The following CD5 variants were observed in gnomAD, a reference collection of about 807,000 sequenced individuals.
The protein encoded by CD5 is CD5 molecule, also known as T-cell surface glycoprotein CD5.
A neutral mutation model predicts 60.3 loss-of-function variants in CD5; 36 were observed. The ratio of observed to expected loss-of-function variants is 0.60; its 90% CI spans 0.46 to 0.79. The LOEUF is 0.79. Among genes scored for constraint, CD5 ranks in the 30% least tolerant of loss-of-function variants. The pLI is 0.00. For synonymous variants in CD5, 230 were observed against 257.6 expected (o/e 0.89, Z 1.03); for missense variants, 540 against 630.6 (o/e 0.86, Z 1.54).
intron 1 of CD5, among the ~76,000 whole-genome samples, chr11:61,103,834 T>A (rs1307646569): frequency 6.3e-5 from 6 of 95,534 alleles, no homozygotes; most frequent in African/African-American, 1.3e-4. Flanking sequence ...TGTGTGTGAG[T>A]ACTGTGTGGG....
At chr11:61,116,810 ACC>A in intron 2 of CD5, among the ~76,000 whole-genome samples, 1 of 138,256 alleles carries the variant, frequency 7.2e-6, no homozygotes, top group South Asian at 2.4e-4. Context: ...CACTACACAC[ACC>A]ACACACACAT....
At chr11:61,099,430 TCA>T (rs1340903168), upstream of CD5, among the ~76,000 whole-genome samples, 14 of 77,120 alleles carry the variant, frequency 1.8e-4, no homozygotes, top group East Asian at 2.6e-3. Flanking sequence ...AACATGGAGA[TCA>T]CACACACACA....
At position 61,119,317 on chromosome 11, in the gene CD5, G is replaced by A; in HGVS notation, c.547G>A (p.Gly183Ser). The change falls in exon 5 of 11, where the codon GGT becomes AGT. Residue 183 changes from glycine to serine, a missense_variant. Physicochemically the swap from Gly to Ser is moderately conservative, Grantham distance 56. Transcript: ENST00000347785. ...VVEFYSGSLG[G>S]TISYEAQDKT... ...GGAGTTCTACAGCGGCAGCCTGGGG[G>A]GTACCATCAGCTATGAGGCCCAGGA... 2 of 1,614,026 alleles carry A rather than the reference G, an allele frequency of 1.2e-6. No homozygotes were observed. Among genetic ancestry groups the A allele is most frequent in the South Asian group, 1.1e-5 (1 of 91,080 alleles).
At chr11:61,115,556 T>C (rs893667034) in intron 2 of CD5, among the ~76,000 whole-genome samples, 1 of 152,186 alleles carries the variant, frequency 6.6e-6, no homozygotes, top group Non-Finnish European at 1.5e-5. Context: ...CAAATAGGGT[T>C]CCATGGAGCA....
chr11:61,109,928 C>G (rs1860829119), intron 1 of CD5, among the ~76,000 whole-genome samples: 1 of 152,082 alleles, frequency 6.6e-6, no homozygotes, highest in Non-Finnish European at 1.5e-5. Flanking sequence ...CGGCATAGCA[C>G]TTCCAGGCCT....
chr11:61,104,515 A>T (rs2134592256), intron 1 of CD5, among the ~76,000 whole-genome samples: 1 of 152,234 alleles, frequency 6.6e-6, no homozygotes, highest in Non-Finnish European at 1.5e-5. Context: ...GAATCCCATC[A>T]TGGGTGAGGC....
intron 2 of CD5, among the ~76,000 whole-genome samples, chr11:61,116,052 C>T (rs1030623768): frequency 2.0e-5 from 3 of 152,152 alleles, no homozygotes; most frequent in African/African-American, 7.2e-5. Flanking sequence ...GTGCCCTTGG[C>T]GAGCCCTGGC....
In CD5 at chr11:61,119,278, TGTGCCGGCGTG is replaced by T; in HGVS notation, c.512_522del (p.Ala171GlyfsTer14). On this transcript the variant is annotated frameshift_variant, in exon 5 of 11. Transcript: ENST00000347785. LOFTEE classifies it high-confidence loss of function. ...GGTGGCACAGTCTGGCGGCCAGCAC[TGTGCCGGCGTG>T]GTGGAGTTCTACAGCGGCAGCCTGG... 2 of 1,613,244 alleles carry T rather than the reference TGTGCCGGCGTG, an allele frequency of 1.2e-6. No homozygotes were observed. Among genetic ancestry groups the T allele is most frequent in the Non-Finnish European group, 1.7e-6 (2 of 1,179,820 alleles).
chr11:61,117,330 G>A (rs1860980412), intron 2 of CD5, among the ~76,000 whole-genome samples: 1 of 152,168 alleles, frequency 6.6e-6, no homozygotes, highest in Non-Finnish European at 1.5e-5. Flanking sequence ...GCTAGATTCA[G>A]GGAAATTAAC....
intron 1 of CD5, among the ~76,000 whole-genome samples, chr11:61,112,985 G>A (rs1473641442): frequency 6.6e-6 from 1 of 152,172 alleles, no homozygotes; most frequent in Non-Finnish European, 1.5e-5. Flanking sequence ...TGTTGTCCAG[G>A]CTGGACTCGA....
At chr11:61,108,612 C>T (rs974641451) in intron 1 of CD5, among the ~76,000 whole-genome samples, 7 of 152,188 alleles carry the variant, frequency 4.6e-5, no homozygotes, top group African/African-American at 1.7e-4. Flanking sequence ...TCAAGTCAGC[C>T]AACATATAGG....
At position 61,118,954 on chromosome 11, in the gene CD5, C is replaced by T; in HGVS notation, c.440C>T (p.Pro147Leu). 1 of 1,613,830 alleles carries T rather than the reference C, an allele frequency of 6.2e-7. No individual in the cohort carries two copies. Among genetic ancestry groups the T allele is most frequent in the Non-Finnish European group, 8.5e-7 (1 of 1,179,832 alleles). ...KTTPPTTRPP[P>L]TTTPEPTAPP... is the part of the protein sequence containing the mutation. ...ACACCTCCAACGACAAGGCCCCCGC[C>T]CACCACAACTCCAGAGCCCACAGGT... The change falls in exon 4 of 11, where the codon CCC becomes CTC. Residue 147 changes from proline to leucine, a missense_variant. By Grantham distance (98) the Pro-to-Leu change is moderately conservative (BLOSUM62 -3). Transcript: ENST00000347785. The surrounding 1 kb of genome is among the most constrained non-coding windows in gnomAD (Gnocchi z 4.7).
chr11:61,126,227 C>T (rs78826901), intron 10 of CD5, 61 bp from the exon 11 acceptor site: 4,510 of 170,380 alleles, frequency 0.026, 114 homozygotes, highest in South Asian at 0.071. Flanking sequence ...GTCCTGTCCC[C>T]GACCTCCCTG....
chr11:61,101,298 ACAT>A (rs979463915), upstream of CD5, among the ~76,000 whole-genome samples: 7 of 118,278 alleles, frequency 5.9e-5, no homozygotes, highest in African/African-American at 8.8e-5. Context: ...TCACACACAC[ACAT>A]CAACATGGAG....
At chr11:61,109,000 G>A (rs1257210170) in intron 1 of CD5, among the ~76,000 whole-genome samples, 1 of 152,134 alleles carries the variant, frequency 6.6e-6, no homozygotes, top group Admixed American at 6.5e-5. Flanking sequence ...CATTTCCCAG[G>A]GTGCAGGGGC....
At chr11:61,117,710 G>T (rs1313104588) in intron 2 of CD5, among the ~76,000 whole-genome samples, 1 of 152,006 alleles carries the variant, frequency 6.6e-6, no homozygotes, top group African/African-American at 2.4e-5. Flanking sequence ...TGTTGGCCAG[G>T]CTGGTCTCAA....
chr11:61,115,139 TG>T, intron 2 of CD5, 45 bp downstream of exon 2: 1 of 1,522,982 alleles, frequency 6.6e-7, no homozygotes, highest in South Asian at 1.2e-5. Context: ...AGGGGGAGAG[TG>T]GGGCTGTGGT....
At chr11:61,125,885 A>C (rs1005645114) in intron 10 of CD5, 44 bp downstream of exon 10, 10 of 1,428,846 alleles carry the variant, frequency 7.0e-6, no homozygotes, top group South Asian at 1.2e-5. Flanking sequence ...AGGGTCCCCC[A>C]CAGTCCTGGG....
upstream of CD5, among the ~76,000 whole-genome samples, chr11:61,098,256 G>A (rs978845478): frequency 2.0e-5 from 3 of 152,120 alleles, no homozygotes; most frequent in Non-Finnish European, 4.4e-5. Flanking sequence ...AAGCTTCATC[G>A]CTACCTTAGT....
Sources: gnomAD v4.1 joint callset for allele counts (sites outside exome capture counted in the v4.1 genomes callset) on GRCh38, gnomAD v4.1.1 for gene constraint, Gnocchi (gnomAD v3.1) non-coding constraint, MANE v1.5 for transcripts, NCBI Gene and HGNC (gene_info 2026-07-23, HGNC 2026-07-21) for gene names.